The following ATG10 variants were observed in gnomAD, a reference collection of about 807,000 sequenced individuals.
The protein encoded by ATG10 is autophagy related 10, also known as ubiquitin-like-conjugating enzyme ATG10.
A neutral mutation model predicts 32.1 loss-of-function variants in ATG10; 30 were observed. The ratio of observed to expected loss-of-function variants is 0.94; its 90% CI spans 0.70 to 1.27. The LOEUF (loss-of-function observed/expected upper bound fraction) is 1.27, where lower values mean the gene tolerates loss of function less well. ATG10 is among the 50% of genes most tolerant of loss of function. ATG10 has a pLI of 0.00. For synonymous variants in ATG10, 87 were observed against 91.5 expected, an observed-to-expected ratio of 0.95 and a Z score of 0.28; for missense variants, 233 against 262.3, an observed-to-expected ratio of 0.89 and a Z score of 0.77.
At chr5:82,124,501 G>A (rs1228550177) in intron 3 of ATG10, among the ~76,000 whole-genome samples, 2 of 151,370 alleles carry the variant, frequency 1.3e-5, no homozygotes, top group African/African-American at 2.4e-5. Flanking sequence ...TCCCTGTGCC[G>A]TGCATTCTGA....
chr5:82,094,873 A>G (rs147138950), intron 3 of ATG10, among the ~76,000 whole-genome samples: 68 of 152,310 alleles, frequency 4.5e-4, no homozygotes, highest in African/African-American at 1.6e-3. Flanking sequence ...TCAACATATT[A>G]AGTGAAACAG....
At chr5:81,991,832 G>A (rs1255935086) in intron 2 of ATG10, among the ~76,000 whole-genome samples, 2 of 151,992 alleles carry the variant, frequency 1.3e-5, no homozygotes, top group Non-Finnish European at 2.9e-5. Flanking sequence ...TATGTATAGG[G>A]CTCCTTTATT....
At chr5:82,034,977 G>A (rs1473046423) in intron 2 of ATG10, among the ~76,000 whole-genome samples, 1 of 152,046 alleles carries the variant, frequency 6.6e-6, no homozygotes, top group Non-Finnish European at 1.5e-5. Context: ...GGAGTGCAAT[G>A]GTGTGACCTC....
At chr5:82,153,722 G>A (rs948526231) in intron 3 of ATG10, among the ~76,000 whole-genome samples, 1 of 152,096 alleles carries the variant, frequency 6.6e-6, no homozygotes, top group African/African-American at 2.4e-5. Context: ...AAAATTTTAT[G>A]TACTTGGGGA....
At chr5:82,177,510 C>T (rs1163236714) in intron 4 of ATG10, among the ~76,000 whole-genome samples, 2 of 152,100 alleles carry the variant, frequency 1.3e-5, no homozygotes, top group Admixed American at 6.6e-5. Context: ...CAAAAGAGCA[C>T]GCCCATAAGT....
At chr5:82,245,837 C>T (rs773940556) in intron 5 of ATG10, among the ~76,000 whole-genome samples, 17 of 152,142 alleles carry the variant, frequency 1.1e-4, no homozygotes, top group East Asian at 3.9e-4. Context: ...TGGCTAATTT[C>T]GCCACAACTA....
intron 5 of ATG10, among the ~76,000 whole-genome samples, chr5:82,236,180 C>G (rs542132791): frequency 6.6e-6 from 1 of 152,114 alleles, no homozygotes; most frequent in African/African-American, 2.4e-5. Flanking sequence ...CATGCCTGAC[C>G]TAGTTGTGCA....
In ATG10 at chr5:82,058,494, G is replaced by C. The variant is rs754812511; in HGVS notation, c.109-1G>C. 6.2e-7 allele frequency: 1 copy of C among 1,608,666 alleles called. No individual in the cohort carries two copies. Among genetic ancestry groups the C allele is most frequent in the Non-Finnish European group, 8.5e-7 (1 of 1,175,618 alleles). ...ATATATTTTTTGGTGATGAAACACAGGACTGTTCTGATGGCTACATGTGCA... is the reference window on the plus strand; with the variant it reads ...ATATATTTTTTGGTGATGAAACACACGACTGTTCTGATGGCTACATGTGCA... On this transcript the variant is annotated splice_acceptor_variant, in intron 2 of 7. Coordinates refer to ENST00000282185, the MANE Select transcript of ATG10 (RefSeq NM_031482.5). LOFTEE classifies it high-confidence loss of function.
intron 2 of ATG10, among the ~76,000 whole-genome samples, chr5:81,991,705 G>T (rs920207970): frequency 2.0e-5 from 3 of 151,912 alleles, no homozygotes; most frequent in African/African-American, 7.3e-5. Context: ...TAGGGCAGGA[G>T]AGTCGCTTGA....
At chr5:82,080,522 CT>C (rs958513117) in intron 3 of ATG10, among the ~76,000 whole-genome samples, 10 of 152,184 alleles carry the variant, frequency 6.6e-5, no homozygotes, top group African/African-American at 2.4e-4. Context: ...TTTAATTCAT[CT>C]TGAATTACTT....
chr5:82,024,341 T>C (rs890476428), intron 2 of ATG10, among the ~76,000 whole-genome samples: 1 of 152,212 alleles, frequency 6.6e-6, no homozygotes, highest in Non-Finnish European at 1.5e-5. Flanking sequence ...AAGGCAGCAT[T>C]ACTCAAAGCG....
At chr5:82,039,190 A>G (rs1056611158) in intron 2 of ATG10, among the ~76,000 whole-genome samples, 6 of 152,204 alleles carry the variant, frequency 3.9e-5, no homozygotes, top group African/African-American at 7.2e-5. Context: ...GCTTTGGGAA[A>G]AAGTTAGTCA....
chr5:82,100,249 C>T (rs1026204450), intron 3 of ATG10, among the ~76,000 whole-genome samples: 5 of 151,958 alleles, frequency 3.3e-5, no homozygotes, highest in African/African-American at 9.7e-5. Context: ...TCAGGTGATC[C>T]ACCTGCCTCG....
intron 5 of ATG10, among the ~76,000 whole-genome samples, chr5:82,224,723 T>G (rs1746052938): frequency 6.6e-6 from 1 of 152,134 alleles, no homozygotes; most frequent in South Asian, 2.1e-4. Context: ...GACAAAATGC[T>G]TATGGAGAAG....
At chr5:81,980,505 C>T (rs1761007209) in intron 1 of ATG10, among the ~76,000 whole-genome samples, 1 of 152,160 alleles carries the variant, frequency 6.6e-6, no homozygotes, top group South Asian at 2.1e-4. Flanking sequence ...GCTTGGAAAG[C>T]AGATGAATGG....
At chr5:82,057,133 G>A (rs1763629036) in intron 2 of ATG10, among the ~76,000 whole-genome samples, 1 of 152,156 alleles carries the variant, frequency 6.6e-6, no homozygotes, top group Non-Finnish European at 1.5e-5. Flanking sequence ...CAATCAGAAT[G>A]AGTTGGATCT....
chr5:82,196,881 A>G (rs756895290), intron 5 of ATG10, among the ~76,000 whole-genome samples: 18 of 152,208 alleles, frequency 1.2e-4, no homozygotes, highest in Non-Finnish European at 1.9e-4. Flanking sequence ...CTTTGGTTCT[A>G]TGCATTTCCA....
At chr5:82,232,941 T>A (rs936565811) in intron 5 of ATG10, among the ~76,000 whole-genome samples, 3 of 152,206 alleles carry the variant, frequency 2.0e-5, no homozygotes, top group Admixed American at 6.5e-5. Flanking sequence ...TATTCCAGCC[T>A]TACAGCCTCC....
intron 3 of ATG10, among the ~76,000 whole-genome samples, chr5:82,061,852 G>T (rs1241642826): frequency 1.5e-5 from 2 of 137,794 alleles, no homozygotes; most frequent in African/African-American, 2.7e-5. Flanking sequence ...TACAGGCAGG[G>T]TCTTGCTCTG....
Sources: allele counts gnomAD v4.1 joint callset (sites outside exome capture counted in the v4.1 genomes callset), GRCh38; gene constraint gnomAD v4.1.1; transcripts MANE v1.5; gene names NCBI Gene and HGNC (gene_info 2026-07-23, HGNC 2026-07-21).